The following MBNL1 variants were observed in gnomAD, a reference collection of about 807,000 sequenced individuals.
MBNL1 encodes the protein muscleblind like splicing regulator 1, also known as muscleblind-like protein 1.
In MBNL1, 8 loss-of-function variants were observed where a neutral mutation model predicts 42.2. The ratio of observed to expected loss-of-function variants is 0.19; its 90% CI spans 0.11 to 0.34. The LOEUF is 0.34. Ranked by LOEUF, MBNL1 falls within the 10% of genes least tolerant of loss-of-function variation. The pLI is 1.00. For missense variants in MBNL1, 309 were observed against 495.3 expected, an observed-to-expected ratio of 0.62 and a Z score of 3.57; for synonymous variants, 169 against 173.9, an observed-to-expected ratio of 0.97 and a Z score of 0.22.
intron 2 of MBNL1, among the ~76,000 whole-genome samples, chr3:152,350,407 A>G (rs1018537861): frequency 6.6e-6 from 1 of 152,136 alleles, no homozygotes; most frequent in Non-Finnish European, 1.5e-5. Flanking sequence ...TGAGGCCTCA[A>G]CACATGTAGA....
At chr3:152,272,583 A>G (rs1205747932) in intron 1 of MBNL1, among the ~76,000 whole-genome samples, 3 of 152,164 alleles carry the variant, frequency 2.0e-5, no homozygotes, top group African/African-American at 7.2e-5. Context: ...AGTTAAAAAA[A>G]AAAACCCATA....
At chr3:152,341,905 A>G (rs948789235) in intron 2 of MBNL1, among the ~76,000 whole-genome samples, 10 of 152,204 alleles carry the variant, frequency 6.6e-5, no homozygotes, top group African/African-American at 2.4e-4. Flanking sequence ...GGTGGAAATA[A>G]AAGCTCACTG....
intron 1 of MBNL1, among the ~76,000 whole-genome samples, chr3:152,291,708 G>A (rs1019261388): frequency 1.3e-5 from 2 of 152,218 alleles, no homozygotes; most frequent in Admixed American, 6.5e-5. Flanking sequence ...ATGATAAGCA[G>A]ATAGCGAGAT....
chr3:152,316,095 A>AGT (rs776118782), intron 2 of MBNL1, among the ~76,000 whole-genome samples: 13 of 152,330 alleles, frequency 8.5e-5, no homozygotes, highest in Admixed American at 3.3e-4. Flanking sequence ...AAATTGAAGA[A>AGT]GTACCACTCT....
chr3:152,411,278 T>C (rs2098556884), intron 2 of MBNL1, among the ~76,000 whole-genome samples: 1 of 152,132 alleles, frequency 6.6e-6, no homozygotes, highest in Non-Finnish European at 1.5e-5. Flanking sequence ...TCCCAGCACT[T>C]TGGGAGGCCA....
At chr3:152,251,313 T>C (rs2034486690) in intron 2 of MBNL1, among the ~76,000 whole-genome samples, 1 of 152,126 alleles carries the variant, frequency 6.6e-6, no homozygotes, top group South Asian at 2.1e-4. Flanking sequence ...TTTTCTTGTG[T>C]AACGCATGTT....
chr3:152,446,675 C>T, intron 5 of MBNL1: 1 of 1,607,132 alleles, frequency 6.2e-7, no homozygotes, highest in Non-Finnish European at 8.5e-7. Context: ...GGCCCATTGC[C>T]ATCATGTGCT....
At chr3:152,285,414 C>T (rs34068610) in intron 1 of MBNL1, among the ~76,000 whole-genome samples, 16,217 of 152,126 alleles carry the variant, frequency 0.11, 1,117 homozygotes, top group Middle Eastern at 0.18. Flanking sequence ...CTTAACCATG[C>T]AAGCCTCGCC....
chr3:152,330,047 G>A (rs1481599929), intron 2 of MBNL1, among the ~76,000 whole-genome samples: 1 of 152,094 alleles, frequency 6.6e-6, no homozygotes, highest in Non-Finnish European at 1.5e-5. Flanking sequence ...GTGTATGTGT[G>A]TTTATTGGTA....
At chr3:152,405,827 A>G (rs953523191) in intron 2 of MBNL1, among the ~76,000 whole-genome samples, 2 of 152,206 alleles carry the variant, frequency 1.3e-5, no homozygotes, top group Non-Finnish European at 2.9e-5. Flanking sequence ...GCTAACATTT[A>G]TTATGTAAAT....
chr3:152,291,712 G>A (rs2056112216), intron 1 of MBNL1, among the ~76,000 whole-genome samples: 1 of 152,202 alleles, frequency 6.6e-6, no homozygotes, highest in Admixed American at 6.5e-5. Flanking sequence ...TAAGCAGATA[G>A]CGAGATAAGC....
rs1173222088 is a variant in MBNL1 at position 152,465,707 on chromosome 3, T to C, written c.*3341T>C. On this transcript the variant is annotated 3_prime_UTR_variant, in exon 10 of 10. Coordinates refer to ENST00000324210, the MANE Select transcript of MBNL1 (RefSeq NM_021038.5). ...ATTTGTTTTATGCTTATTTTATTAT[T>C]ACTGCAGTAGTTGACTTTGCTGTAT... 1 of 152,590 alleles carries C rather than the reference T, an allele frequency of 6.6e-6. No homozygotes were observed. The highest frequency in any genetic ancestry group is 1.5e-5 in the Non-Finnish European group (1 of 68,028). 9.5% of individuals were successfully genotyped at this position (152,590 alleles called of 1,614,324 possible). A position where few individuals can be genotyped will look rare whatever the true frequency, so the allele number is the denominator to read the frequency against.
intron 5 of MBNL1, chr3:152,446,575 A>T (rs2099229937): frequency 3.1e-6 from 2 of 650,552 alleles, no homozygotes; most frequent in Non-Finnish European, 5.5e-6. Flanking sequence ...TTGTTTTTTT[A>T]TTTGTTTTTT....
At chr3:152,285,866 C>T (rs1485314224) in intron 1 of MBNL1, among the ~76,000 whole-genome samples, 2 of 151,726 alleles carry the variant, frequency 1.3e-5, no homozygotes, top group African/African-American at 2.4e-5. Context: ...TCAAGCAGTA[C>T]TCCCGCCTTG....
chr3:152,315,880 T>A (rs2070796585), intron 2 of MBNL1, among the ~76,000 whole-genome samples: 1 of 151,324 alleles, frequency 6.6e-6, no homozygotes, highest in Non-Finnish European at 1.5e-5. Flanking sequence ...TCTCTCTCTC[T>A]CTCTCTCACT....
In MBNL1 at chr3:152,300,998, C is replaced by G. The variant is rs138959842; in HGVS notation, c.174+631C>G. On this transcript the variant is annotated intron_variant, in intron 2 of 9. Transcript: ENST00000324210. ...TGTGAGTTATATAAATAAGTAGAAA[C>G]TCATAAGTACTATTGTTTATTGGAT... 679 of 681,546 alleles carry G rather than the reference C, an allele frequency of 1.0e-3. No individual in the cohort carries two copies. In the African/African-American group the frequency reaches 0.012, roughly 12 times the overall value. 42.2% of individuals were successfully genotyped at this position (681,546 alleles called of 1,614,324 possible).
intron 1 of MBNL1, chr3:152,298,975 G>A (rs576088589): frequency 6.6e-6 from 1 of 152,532 alleles, no homozygotes; most frequent in African/African-American, 2.4e-5. Flanking sequence ...ACATGGTTTA[G>A]TCCACTAACT....
Position 152,355,960 on chromosome 3 carries a change from G to A in MBNL1, c.174+55593G>A, listed in dbSNP as rs185302048. Among the ~76,000 whole-genome samples the A allele has an allele frequency of 1.2e-4, 19 of 152,268 alleles. No homozygotes were observed. The East Asian group carries it at 3.1e-3, about 25-fold the overall frequency. On this transcript the variant is annotated intron_variant, in intron 2 of 9. Transcript: ENST00000324210. ...AACAGCCATCGTAGGAGTGGCCAGC[G>A]TGGCCTTATACCTTACTAGAACCCA...
intron 2 of MBNL1, among the ~76,000 whole-genome samples, chr3:152,386,134 T>TG (rs1020660814): frequency 3.9e-5 from 6 of 151,920 alleles, no homozygotes; most frequent in African/African-American, 1.4e-4. Flanking sequence ...TAGAGTACTT[T>TG]GGGGAAAAAA....
Sources: allele counts gnomAD v4.1 joint callset (sites outside exome capture counted in the v4.1 genomes callset), GRCh38; gene constraint gnomAD v4.1.1; transcripts MANE v1.5; gene names NCBI Gene and HGNC (gene_info 2026-07-23, HGNC 2026-07-21).